The following OR6N1 variants were observed in gnomAD, a reference collection of about 807,000 sequenced individuals.
OR6N1 encodes olfactory receptor 6N1.
For missense variants in OR6N1, 394 were observed against 371.7 expected (o/e 1.06, Z -0.49); for synonymous variants, 170 against 150.7 (o/e 1.13, Z -0.94).
the OR6N1 span, among the ~76,000 whole-genome samples, chr1:158,804,611 T>C: frequency 6.6e-6 from 1 of 152,216 alleles, no homozygotes; most frequent in Non-Finnish European, 1.5e-5. Flanking sequence ...AATTTAGAAA[T>C]AAATAGAGAA....
At chr1:158,795,552 G>T in the OR6N1 span, among the ~76,000 whole-genome samples, 1 of 152,180 alleles carries the variant, frequency 6.6e-6, no homozygotes, top group African/African-American at 2.4e-5. Flanking sequence ...TCCCTTGTGA[G>T]GTAGGATCAG....
the OR6N1 span, among the ~76,000 whole-genome samples, chr1:158,782,963 T>A: frequency 6.6e-6 from 1 of 152,216 alleles, no homozygotes; most frequent in Non-Finnish European, 1.5e-5. Flanking sequence ...ATTCATAAAC[T>A]TTAAGTCTGT....
chr1:158,828,800 C>G, the OR6N1 span, among the ~76,000 whole-genome samples: 1 of 152,226 alleles, frequency 6.6e-6, no homozygotes, highest in African/African-American at 2.4e-5. Flanking sequence ...TCCATTAGGA[C>G]TCCGCCTCTA....
the OR6N1 span, among the ~76,000 whole-genome samples, chr1:158,820,892 T>C: frequency 1.1e-4 from 16 of 152,356 alleles, no homozygotes; most frequent in Admixed American, 1.3e-4. Flanking sequence ...AACGTATGCA[T>C]ACCAGCCTTC....
the OR6N1 span, among the ~76,000 whole-genome samples, chr1:158,816,372 G>C: frequency 6.6e-6 from 1 of 151,956 alleles, no homozygotes; most frequent in Non-Finnish European, 1.5e-5. Flanking sequence ...TTAAACATAA[G>C]GAAAGAGATG....
In OR6N1 at chr1:158,765,745, C is replaced by G; in HGVS notation, c.938G>C (p.Ter313SerextTer45). 6.2e-7 allele frequency: 1 copy of G among 1,609,896 alleles called. No individual in the cohort carries two copies. The highest frequency in any genetic ancestry group is 8.5e-7 in the Non-Finnish European group (1 of 1,176,672). ...RQLKRIGILA[*>S] ...CCTTGGCCTACTCTCAGCCCCAACT[C>G]ATGCCAATATCCCAATTCTCTTTAG... Residue 313 changes from the stop codon to serine, a stop_lost, in exon 2 of 2, where the codon TGA (stop) becomes TCA (serine). Coordinates refer to ENST00000641846, the MANE Select transcript of OR6N1 (RefSeq NM_001005185.2).
chr1:158,783,763 CT>C, the OR6N1 span, among the ~76,000 whole-genome samples: 1 of 152,032 alleles, frequency 6.6e-6, no homozygotes. Context: ...CTATTATTTT[CT>C]TTGCACAAAG....
chr1:158,768,151 CT>C (rs148996567), intron 1 of OR6N1, among the ~76,000 whole-genome samples: 4,804 of 149,958 alleles, frequency 0.032, 242 homozygotes, highest in African/African-American at 0.11. Flanking sequence ...AGTGTTTAAT[CT>C]TTTTTTTTTC....
At chr1:158,818,242 T>C in the OR6N1 span, among the ~76,000 whole-genome samples, 1 of 152,242 alleles carries the variant, frequency 6.6e-6, no homozygotes, top group African/African-American at 2.4e-5. Flanking sequence ...ACACATAGCC[T>C]TTCTGAGCCT....
the OR6N1 span, among the ~76,000 whole-genome samples, chr1:158,806,495 T>C: frequency 1.3e-5 from 2 of 152,172 alleles, no homozygotes; most frequent in Non-Finnish European, 2.9e-5. Context: ...GTAAGGGAAC[T>C]GAGGTGGAGG....
upstream of OR6N1, chr1:158,774,907 A>C (rs1657547098): frequency 6.6e-6 from 1 of 152,244 alleles, no homozygotes; most frequent in Non-Finnish European, 1.5e-5. Context: ...AGTAATGATT[A>C]GAATCATTAT....
In OR6N1 at chr1:158,766,403, A is replaced by G; in HGVS notation, c.280T>C (p.Phe94Leu). The G allele has an allele frequency of 6.2e-7, 1 of 1,614,176 alleles. No homozygotes were observed. The highest frequency in any genetic ancestry group is 8.5e-7 in the Non-Finnish European group (1 of 1,180,024). Residue 94 changes from phenylalanine to leucine, a missense_variant, in exon 2 of 2, where the codon TTC (phenylalanine) becomes CTC (leucine). Phe to Leu is a conservative substitution (Grantham distance 22). Transcript: ENST00000641846. ...TAGATCTGCAGGAGACACCCAGAGAATGAAATGGTCTTTTTCTCACTGAGC... is the reference window on the plus strand; with the variant it reads ...TAGATCTGCAGGAGACACCCAGAGAGTGAAATGGTCTTTTTCTCACTGAGC... ...NLLSEKKTIS[F>L]SGCLLQIYFF... is the part of the protein sequence containing the mutation.
chr1:158,822,868 G>A, the OR6N1 span, among the ~76,000 whole-genome samples: 3 of 152,116 alleles, frequency 2.0e-5, no homozygotes, highest in African/African-American at 4.8e-5. Flanking sequence ...CTCTTTTTAT[G>A]TTGAGGTATG....
the OR6N1 span, among the ~76,000 whole-genome samples, chr1:158,803,162 G>A: frequency 9.3e-4 from 141 of 152,258 alleles, no homozygotes; most frequent in African/African-American, 3.2e-3. Context: ...AATACTAAGT[G>A]TTCTGAGTTC....
chr1:158,796,375 G>C, the OR6N1 span, among the ~76,000 whole-genome samples: 1 of 152,148 alleles, frequency 6.6e-6, no homozygotes, highest in African/African-American at 2.4e-5. Context: ...CTCCTCTGAG[G>C]TAATTTTCTA....
chr1:158,810,281 T>A, the OR6N1 span, among the ~76,000 whole-genome samples: 1 of 152,088 alleles, frequency 6.6e-6, no homozygotes, highest in African/African-American at 2.4e-5. Flanking sequence ...TTGGCTACTC[T>A]CATCTTTTCG....
At chr1:158,839,517 A>G in the OR6N1 span, among the ~76,000 whole-genome samples, 2 of 152,320 alleles carry the variant, frequency 1.3e-5, no homozygotes, top group Admixed American at 1.3e-4. Context: ...CAAATCTGAC[A>G]TTTAAACTAT....
chr1:158,823,879 G>A, the OR6N1 span, among the ~76,000 whole-genome samples: 236 of 152,230 alleles, frequency 1.6e-3, 5 homozygotes, highest in East Asian at 0.017. Context: ...CAGTGCCTTA[G>A]CTTTGTCCCA....
At chr1:158,819,625 A>G in the OR6N1 span, among the ~76,000 whole-genome samples, 1 of 152,176 alleles carries the variant, frequency 6.6e-6, no homozygotes, top group South Asian at 2.1e-4. Flanking sequence ...GGGAGTTCCA[A>G]AAAAAGGTGT....
Sources: gnomAD v4.1 joint callset for allele counts (sites outside exome capture counted in the v4.1 genomes callset) on GRCh38, gnomAD v4.1.1 for gene constraint, MANE v1.5 for transcripts, NCBI Gene and HGNC (gene_info 2026-07-23, HGNC 2026-07-21) for gene names.